SRP54: variants seen among roughly 807,000 people sequenced by gnomAD.
The protein encoded by SRP54 is signal recognition particle 54.
In SRP54, 10 loss-of-function variants were observed where a neutral mutation model predicts 64.8. The observed-to-expected ratio is 0.15, with a 90% confidence interval of 0.10 to 0.26. SRP54 has a LOEUF of 0.26. SRP54 is among the 10% of genes least tolerant of loss of function. SRP54 has a pLI of 1.00. For missense variants in SRP54, 325 were observed against 613.7 expected (o/e 0.53, Z 4.97); for synonymous variants, 193 against 185.6 (o/e 1.04, Z -0.32).
chr14:35,025,905 T>C lies in SRP54; in HGVS notation c.1328-2183T>C, dbSNP rs373686062. Among the ~76,000 whole-genome samples, 24 of 152,092 alleles carry C rather than the reference T, an allele frequency of 1.6e-4. No homozygotes were observed. In the East Asian group the frequency reaches 2.3e-3, roughly 15 times the overall value. On this transcript the variant is annotated intron_variant, in intron 14 of 15. Transcript: ENST00000216774. ...GTTAATGCCCCTTTCAAATAAATAA[T>C]TTTGGATGGTTGTGGTGGCTCATAC...
At chr14:35,002,949 T>C (rs1434016668) in intron 4 of SRP54, among the ~76,000 whole-genome samples, 1 of 151,956 alleles carries the variant, frequency 6.6e-6, no homozygotes, top group Non-Finnish European at 1.5e-5. Flanking sequence ...TTTTGCCATG[T>C]TGCCCTAGCT....
chr14:35,025,877 A>C (rs1327663943), intron 14 of SRP54, among the ~76,000 whole-genome samples: 1 of 152,132 alleles, frequency 6.6e-6, no homozygotes, highest in Non-Finnish European at 1.5e-5. Flanking sequence ...GAGAAGTACC[A>C]TAGTTAATGC....
intron 1 of SRP54, among the ~76,000 whole-genome samples, chr14:34,985,015 T>C (rs1362746081): frequency 6.6e-6 from 1 of 152,016 alleles, no homozygotes; most frequent in African/African-American, 2.4e-5. Context: ...AATTTTGTGA[T>C]ACAAGTAGGT....
At chr14:34,984,438 T>A (rs2043861984) in intron 1 of SRP54, among the ~76,000 whole-genome samples, 1 of 152,214 alleles carries the variant, frequency 6.6e-6, no homozygotes, top group African/African-American at 2.4e-5. Flanking sequence ...CCTCGAGGCT[T>A]CTCGCTTGCT....
chr14:35,016,840 CT>C (rs145307640), intron 11 of SRP54, among the ~76,000 whole-genome samples: 2,052 of 71,604 alleles, frequency 0.029, 57 homozygotes, highest in Middle Eastern at 0.13. Context: ...CCTTTTTTTT[CT>C]TTTCTTTTTT....
At chr14:34,985,981 T>C (rs181835583) in intron 1 of SRP54, among the ~76,000 whole-genome samples, 10 of 152,334 alleles carry the variant, frequency 6.6e-5, no homozygotes, top group Admixed American at 6.5e-5. Flanking sequence ...AGGCCAACTT[T>C]CCAAGGAATT....
intron 3 of SRP54, among the ~76,000 whole-genome samples, chr14:35,000,424 G>A (rs1379000560): frequency 9.9e-5 from 15 of 151,974 alleles, no homozygotes; most frequent in Non-Finnish European, 7.4e-5. Context: ...AAAATTAGCC[G>A]GGCATGGTGG....
At chr14:34,998,869 A>AT (rs2044115552) in intron 2 of SRP54, among the ~76,000 whole-genome samples, 1 of 151,894 alleles carries the variant, frequency 6.6e-6, no homozygotes, top group Non-Finnish European at 1.5e-5. Context: ...CCACTACATA[A>AT]TAGTGACAGG....
At chr14:35,013,715 T>G (rs1171067977) in intron 9 of SRP54, 87 bp from the exon 10 acceptor site, 2 of 1,237,592 alleles carry the variant, frequency 1.6e-6, no homozygotes, top group African/African-American at 3.0e-5. Context: ...TAATTAGCTT[T>G]GGAGGCGGAT....
At chr14:34,983,856 A>G (rs1357868253) in intron 1 of SRP54, among the ~76,000 whole-genome samples, 2 of 152,252 alleles carry the variant, frequency 1.3e-5, no homozygotes, top group Admixed American at 6.5e-5. Flanking sequence ...TACACATTAT[A>G]TCAAGATGGG....
chr14:34,988,948 A>T (rs941532692), intron 1 of SRP54, among the ~76,000 whole-genome samples: 1 of 152,118 alleles, frequency 6.6e-6, no homozygotes, highest in African/African-American at 2.4e-5. Flanking sequence ...AAATGTAAAT[A>T]GTTGTTATAC....
intron 1 of SRP54, among the ~76,000 whole-genome samples, chr14:34,983,790 A>G (rs774027061): frequency 1.3e-5 from 2 of 152,238 alleles, no homozygotes; most frequent in Non-Finnish European, 2.9e-5. Context: ...TCTTGGCTAC[A>G]AGGATACAGA....
chr14:34,995,865 C>G (rs1246691650), intron 1 of SRP54, among the ~76,000 whole-genome samples: 2 of 151,862 alleles, frequency 1.3e-5, no homozygotes, highest in Non-Finnish European at 1.5e-5. Flanking sequence ...GGAAGAGAAC[C>G]AGCCTTGGCA....
intron 9 of SRP54, 75 bp from the exon 10 acceptor site, chr14:35,013,727 C>G: frequency 7.5e-7 from 1 of 1,341,372 alleles, no homozygotes; most frequent in Non-Finnish European, 1.0e-6. Context: ...GAGGCGGATT[C>G]ACTTCGAATT....
chr14:34,988,695 T>C (rs896783319), intron 1 of SRP54, among the ~76,000 whole-genome samples: 13 of 149,702 alleles, frequency 8.7e-5, no homozygotes, highest in African/African-American at 3.2e-4. Flanking sequence ...TGTGAACACA[T>C]ATGCTGTGCA....
At chr14:34,992,884 T>C (rs1446662694) in intron 1 of SRP54, among the ~76,000 whole-genome samples, 1 of 148,220 alleles carries the variant, frequency 6.7e-6, no homozygotes, top group Non-Finnish European at 1.5e-5. Context: ...ATTTATTTAT[T>C]TGGAGATGGA....
At chr14:35,023,459 C>G (rs1324680947) in intron 14 of SRP54, among the ~76,000 whole-genome samples, 2 of 151,978 alleles carry the variant, frequency 1.3e-5, no homozygotes, top group Non-Finnish European at 2.9e-5. Context: ...TATATCATAA[C>G]TGTTTTTCCA....
intron 2 of SRP54, among the ~76,000 whole-genome samples, chr14:34,999,032 T>TTTTA (rs764235003): frequency 2.1e-5 from 2 of 93,522 alleles, no homozygotes; most frequent in Non-Finnish European, 2.3e-5. Context: ...TTTTTTTTTT[T>TTTTA]GAGACAAAGT....
intron 14 of SRP54, 188 bp from the exon 15 acceptor site, chr14:35,027,900 A>G: frequency 2.7e-6 from 1 of 374,574 alleles, no homozygotes; most frequent in South Asian, 9.9e-5. Flanking sequence ...GTCTTCAAAA[A>G]ATAGTATGTA....
Sources: allele counts gnomAD v4.1 joint callset (sites outside exome capture counted in the v4.1 genomes callset), GRCh38; gene constraint gnomAD v4.1.1; transcripts MANE v1.5; gene names NCBI Gene and HGNC (gene_info 2026-07-23, HGNC 2026-07-21).